The following DPYSL4 variants were observed in gnomAD, a reference collection of about 807,000 sequenced individuals.
The protein encoded by DPYSL4 is dihydropyrimidinase-related protein 4.
DPYSL4 carries 43 observed loss-of-function variants against 63.4 expected under a neutral mutation model. The ratio of observed to expected loss-of-function variants is 0.68; its 90% CI spans 0.53 to 0.88. DPYSL4 has a LOEUF of 0.88. DPYSL4 is among the 40% of genes least tolerant of loss of function. The pLI is 0.00. For missense variants in DPYSL4, 733 were observed against 819.5 expected (o/e 0.89, Z 1.29); for synonymous variants, 353 against 331.7 (o/e 1.06, Z -0.70).
At chr10:132,192,346 C>G in intron 2 of DPYSL4, 1 of 1,033,912 alleles carries the variant, frequency 9.7e-7, no homozygotes, top group South Asian at 4.3e-5. Context: ...CATCTATTAG[C>G]GCACCTGCTT....
intron 1 of DPYSL4, among the ~76,000 whole-genome samples, 174 bp downstream of exon 1, chr10:132,187,276 A>G (rs2061809385): frequency 6.6e-6 from 1 of 151,038 alleles, no homozygotes; most frequent in Non-Finnish European, 1.5e-5. Flanking sequence ...CCAGGGTCCG[A>G]GAGTCCCCGC....
chr10:132,203,910 C>T lies in DPYSL4; in HGVS notation c.1610C>T (p.Ser537Leu), dbSNP rs1267395752. 8 of 1,605,508 alleles carry T rather than the reference C, an allele frequency of 5.0e-6. No individual in the cohort carries two copies. Among genetic ancestry groups the T allele is most frequent in the Non-Finnish European group, 6.0e-6 (7 of 1,173,890 alleles). Reference protein sequence around the residue: ...SVPPVRNLHQSGFSLSGSQAD... With the variant: ...SVPPVRNLHQLGFSLSGSQAD... ...CCTCCTGTGCGCAACCTACATCAGT[C>T]GGGGTTCAGCCTATCTGGTGAGTTG... The change falls in exon 13 of 14, where the codon TCG becomes TTG. Residue 537 changes from serine to leucine, a missense_variant. Coordinates refer to ENST00000338492, the MANE Select transcript of DPYSL4 (RefSeq NM_006426.3).
chr10:132,190,480 C>T (rs1477583622), intron 1 of DPYSL4, among the ~76,000 whole-genome samples: 1 of 152,256 alleles, frequency 6.6e-6, no homozygotes, highest in Admixed American at 6.5e-5. Context: ...TGTGGCACTA[C>T]CACACTTTCA....
chr10:132,187,421 G>GCCCGGGGAGAA (rs2061816998), intron 1 of DPYSL4, among the ~76,000 whole-genome samples: 1 of 151,582 alleles, frequency 6.6e-6, no homozygotes, highest in Non-Finnish European at 1.5e-5. Context: ...CCTCGGCTGC[G>GCCCGGGGAGAA]CCCGGGGAGA....
At chr10:132,191,904 T>G (rs2061883991) in intron 2 of DPYSL4, among the ~76,000 whole-genome samples, 2 of 145,540 alleles carry the variant, frequency 1.4e-5, no homozygotes, top group African/African-American at 2.6e-5. Flanking sequence ...TGAACATAGT[T>G]CCCAGCTCGT....
chr10:132,199,857 G>A (rs2061989728), intron 8 of DPYSL4, among the ~76,000 whole-genome samples: 1 of 151,942 alleles, frequency 6.6e-6, no homozygotes. Context: ...GCAGCCTCGG[G>A]GCAGCAGGCC....
intron 11 of DPYSL4, 36 bp downstream of exon 11, chr10:132,202,152 T>G (rs761785796): frequency 1.3e-6 from 2 of 1,596,110 alleles, no homozygotes; most frequent in Non-Finnish European, 1.7e-6. Context: ...GGTTGGCCTT[T>G]GTGGGGCCGG....
chr10:132,195,140 G>A (rs1230277816), intron 4 of DPYSL4, 131 bp downstream of exon 4: 1 of 1,145,036 alleles, frequency 8.7e-7, no homozygotes, highest in African/African-American at 1.6e-5. Flanking sequence ...GGAAGTTGGA[G>A]AAAAGTCATT....
At position 132,195,037 on chromosome 10, in the gene DPYSL4, C is replaced by T. The variant is rs762164635; in HGVS notation, c.478+28C>T. 2.8e-5 allele frequency: 42 copies of T among 1,502,100 alleles called. No individual in the cohort carries two copies. The South Asian group carries it at 2.8e-4, about 10-fold the overall frequency. The allele number at this position is 1,502,100 out of a possible 1,614,324, so 93.0% of individuals were successfully genotyped here. On this transcript the variant is annotated intron_variant, in intron 4 of 13. Coordinates refer to ENST00000338492, the MANE Select transcript of DPYSL4 (RefSeq NM_006426.3). ...GAGGGTGGCTGGAGGGGCTGGAGGG[C>T]GGGCATGGAGCCTGGTGGAGGAGCC...
chr10:132,187,859 G>A (rs1590086020), intron 1 of DPYSL4, among the ~76,000 whole-genome samples: 1 of 152,342 alleles, frequency 6.6e-6, no homozygotes, highest in Admixed American at 6.5e-5. Flanking sequence ...CGGGCGGGGG[G>A]AGATGGGGGT....
In DPYSL4 at chr10:132,201,114, G is replaced by A. The variant is rs1025975794; in HGVS notation, c.1110+131G>A. On this transcript the variant is annotated intron_variant, in intron 10 of 13. Transcript: ENST00000338492. ...CAGATCAGAGCACACGGGCTCCGGG[G>A]TGGCGGATTCCCCACCCAGGGCGCC... 3.7e-6 allele frequency: 5 copies of A among 1,354,728 alleles called. No homozygotes were observed. In the African/African-American group the frequency reaches 5.9e-5, roughly 16 times the overall value. The allele number at this position is 1,354,728 out of a possible 1,614,324, so 83.9% of individuals were successfully genotyped here.
At chr10:132,193,437 C>T (rs555896624) in intron 3 of DPYSL4, among the ~76,000 whole-genome samples, 158 of 152,310 alleles carry the variant, frequency 1.0e-3, no homozygotes, top group Non-Finnish European at 2.1e-3. Flanking sequence ...TGAGCTCAGC[C>T]CAGCTGGGCT....
At chr10:132,204,190 C>A (rs541133484) in intron 13 of DPYSL4, among the ~76,000 whole-genome samples, 1 of 152,346 alleles carries the variant, frequency 6.6e-6, no homozygotes, top group East Asian at 1.9e-4. Context: ...GAGGCTGTCA[C>A]ATGGAACCCA....
chr10:132,203,630 G>T, intron 12 of DPYSL4, 132 bp from the exon 13 acceptor site: 1 of 838,470 alleles, frequency 1.2e-6, no homozygotes, highest in Middle Eastern at 3.7e-4. Flanking sequence ...TCCTGAAGCT[G>T]GCACTGGAGA....
intron 2 of DPYSL4, 55 bp from the exon 3 acceptor site, chr10:132,192,603 C>T (rs1000942245): frequency 6.5e-7 from 1 of 1,534,560 alleles, no homozygotes; most frequent in Non-Finnish European, 8.8e-7. Context: ...GCTGGGAGCC[C>T]ATCTGGGCTC....
intron 7 of DPYSL4, 100 bp downstream of exon 7, chr10:132,198,583 ACT>A: frequency 7.8e-7 from 1 of 1,283,330 alleles, no homozygotes; most frequent in Non-Finnish European, 1.1e-6. Context: ...TGGCCCTGCC[ACT>A]GTGCTCGCCC....
At chr10:132,199,458 CCCCAGAGG>C (rs1565044142) in intron 8 of DPYSL4, among the ~76,000 whole-genome samples, 1 of 151,822 alleles carries the variant, frequency 6.6e-6, no homozygotes, top group Non-Finnish European at 1.5e-5. Flanking sequence ...CTGTGGTGTC[CCCCAGAGG>C]CTACTGGGCT....
intron 6 of DPYSL4, among the ~76,000 whole-genome samples, 181 bp downstream of exon 6, chr10:132,197,282 TAG>T (rs966581162): frequency 6.6e-6 from 1 of 152,176 alleles, no homozygotes; most frequent in Admixed American, 6.5e-5. Flanking sequence ...ACCAGTGAGT[TAG>T]AGAGACTGGG....
Position 132,197,111 on chromosome 10 carries a change from G to A in DPYSL4, c.621+10G>A. On this transcript the variant is annotated intron_variant, in intron 6 of 13. Transcript: ENST00000338492. Reference sequence around the variant, plus strand: ...GGACATCGTGGAGGAGGTGCCGTGGGGCAGGGCTGCCGTGGGGCAGGCACA... The same window carrying A: ...GGACATCGTGGAGGAGGTGCCGTGGAGCAGGGCTGCCGTGGGGCAGGCACA... 2.0e-6 allele frequency: 3 copies of A among 1,493,248 alleles called. No individual in the cohort carries two copies. The East Asian group carries it at 7.4e-5, about 37-fold the overall frequency. The allele number at this position is 1,493,248 out of a possible 1,614,324, so 92.5% of individuals were successfully genotyped here.
Sources: gnomAD v4.1 joint callset for allele counts (sites outside exome capture counted in the v4.1 genomes callset) on GRCh38, gnomAD v4.1.1 for gene constraint, MANE v1.5 for transcripts, NCBI Gene and HGNC (gene_info 2026-07-23, HGNC 2026-07-21) for gene names.